KCNK10: variants seen among roughly 807,000 people sequenced by gnomAD.
The protein encoded by KCNK10 is potassium two pore domain channel subfamily K member 10.
Under a neutral mutation model 47.7 loss-of-function variants are expected in KCNK10, and 25 were observed. The ratio of observed to expected loss-of-function variants is 0.52; its 90% CI spans 0.38 to 0.73. KCNK10 has a LOEUF of 0.73. KCNK10 is among the 30% of genes least tolerant of loss of function. The pLI is 0.00. For missense variants in KCNK10, 563 were observed against 714.5 expected (o/e 0.79, Z 2.42); for synonymous variants, 303 against 285.6 (o/e 1.06, Z -0.61).
chr14:88,306,203 G>T (rs1362958454), intron 1 of KCNK10, among the ~76,000 whole-genome samples: 1 of 152,134 alleles, frequency 6.6e-6, no homozygotes, highest in Non-Finnish European at 1.5e-5. Context: ...TGAAATCCAT[G>T]GTAGACGAAA....
chr14:88,206,716 A>G (rs1885287134), intron 4 of KCNK10, among the ~76,000 whole-genome samples: 1 of 152,244 alleles, frequency 6.6e-6, no homozygotes, highest in Non-Finnish European at 1.5e-5. Context: ...CTAGGGTTTC[A>G]TAACAGAGCA....
At chr14:88,284,492 G>A (rs758860054) in intron 1 of KCNK10, among the ~76,000 whole-genome samples, 10 of 152,192 alleles carry the variant, frequency 6.6e-5, no homozygotes, top group Admixed American at 5.2e-4. Flanking sequence ...CTCAAACGTA[G>A]GGAAGCCGAC....
chr14:88,306,648 C>T (rs545303224), intron 1 of KCNK10, among the ~76,000 whole-genome samples: 4 of 151,552 alleles, frequency 2.6e-5, no homozygotes, highest in African/African-American at 7.2e-5. Flanking sequence ...GGAAGGGATA[C>T]ACCATCTCAT....
At chr14:88,208,275 T>C (rs1308810556) in intron 4 of KCNK10, among the ~76,000 whole-genome samples, 2 of 152,056 alleles carry the variant, frequency 1.3e-5, no homozygotes, top group African/African-American at 4.8e-5. Context: ...AAATGTGTGC[T>C]CATCTTCTAG....
chr14:88,244,526 A>G lies in KCNK10; in HGVS notation c.403-3706T>C, dbSNP rs540416489. 3.3e-3 allele frequency among the ~76,000 whole-genome samples: 497 copies of G among 152,100 alleles called. 2 individuals are homozygous for G. Among genetic ancestry groups the G allele is most frequent in the African/African-American group, 0.011 (460 of 41,480 alleles). ...TACTAAAAATACAAAAATATTAGCC[A>G]GGCGTGGTGGCGGGCGCTGTAGTCC... On this transcript the variant is annotated intron_variant, in intron 2 of 6. Coordinates refer to ENST00000319231, the MANE Select transcript of KCNK10 (RefSeq NM_138317.3).
At chr14:88,268,773 C>T (rs923442864) in intron 1 of KCNK10, among the ~76,000 whole-genome samples, 6 of 152,174 alleles carry the variant, frequency 3.9e-5, no homozygotes, top group Non-Finnish European at 5.9e-5. Context: ...CAGAAGAGTA[C>T]TGGGCAGCAA....
chr14:88,203,954 G>A (rs1885182770), intron 4 of KCNK10, among the ~76,000 whole-genome samples: 1 of 152,230 alleles, frequency 6.6e-6, no homozygotes, highest in Non-Finnish European at 1.5e-5. Flanking sequence ...GGAGCACCAG[G>A]CATTGGGGCC....
chr14:88,248,658 A>G (rs1886707808), intron 2 of KCNK10, among the ~76,000 whole-genome samples: 1 of 152,018 alleles, frequency 6.6e-6, no homozygotes, highest in Non-Finnish European at 1.5e-5. Context: ...GAGCCCAGGA[A>G]GCAGAGGCTG....
chr14:88,222,444 A>C (rs1885846357), intron 4 of KCNK10, among the ~76,000 whole-genome samples: 1 of 152,234 alleles, frequency 6.6e-6, no homozygotes. Flanking sequence ...AGAGTGAAAT[A>C]CTATGTATGA....
rs1432186428 is a variant in KCNK10, at chr14:88,185,956, A to G, written c.1211T>C (p.Val404Ala). The part of the protein sequence containing the change: ...LDMLSPEKRS[V>A]FAALDTGRFK... Reference sequence around the variant, plus strand: ...GCGGCCGGTGTCCAGGGCAGCAAAGACAGAGCGCTTCTCGGGGGACAGCAT... The same window carrying G: ...GCGGCCGGTGTCCAGGGCAGCAAAGGCAGAGCGCTTCTCGGGGGACAGCAT... The change falls in exon 7 of 7, where the codon GTC becomes GCC. Residue 404 changes from valine (V) to alanine (A), a missense_variant. Val to Ala is a moderately conservative substitution (Grantham distance 64, BLOSUM62 0). Transcript: ENST00000319231. This position sits in a 1 kb window ranked among gnomAD's most constrained non-coding sequence, Gnocchi z 4.3. The G allele has an allele frequency of 1.2e-6, 2 of 1,613,008 alleles. No homozygotes were observed. Among genetic ancestry groups the G allele is most frequent in the Non-Finnish European group, 1.7e-6 (2 of 1,179,858 alleles).
intron 2 of KCNK10, among the ~76,000 whole-genome samples, chr14:88,243,147 A>G (rs1886528933): frequency 1.3e-5 from 2 of 152,244 alleles, no homozygotes; most frequent in Admixed American, 6.5e-5. Flanking sequence ...ATGTTTACCT[A>G]TGTAACCCTC....
chr14:88,321,303 C>T (rs546124887), intron 1 of KCNK10, among the ~76,000 whole-genome samples: 6 of 152,348 alleles, frequency 3.9e-5, no homozygotes, highest in Non-Finnish European at 8.8e-5. Flanking sequence ...GGGAAGCCTT[C>T]TCTGGTCCTT....
At chr14:88,215,392 C>G (rs1269680503) in intron 4 of KCNK10, among the ~76,000 whole-genome samples, 1 of 152,144 alleles carries the variant, frequency 6.6e-6, no homozygotes, top group Non-Finnish European at 1.5e-5. Flanking sequence ...ATAAAACCAT[C>G]AGGTCTCATG....
chr14:88,282,070 T>C (rs1329533821), intron 1 of KCNK10, among the ~76,000 whole-genome samples: 1 of 152,184 alleles, frequency 6.6e-6, no homozygotes, highest in Non-Finnish European at 1.5e-5. Context: ...CAGTACCTAG[T>C]ATGGTGTCCG....
chr14:88,189,386 G>A (rs1479158778), intron 5 of KCNK10, among the ~76,000 whole-genome samples: 2 of 152,176 alleles, frequency 1.3e-5, no homozygotes, highest in Non-Finnish European at 2.9e-5. Context: ...TACGATCTGA[G>A]TTCCCGCACC....
intron 2 of KCNK10, among the ~76,000 whole-genome samples, chr14:88,241,742 C>T (rs1471651906): frequency 1.3e-5 from 2 of 152,164 alleles, no homozygotes; most frequent in African/African-American, 4.8e-5. Context: ...TAATTCAAGC[C>T]CTGCTTCTTC....
chr14:88,190,353 T>C (rs1258670557), intron 5 of KCNK10, among the ~76,000 whole-genome samples: 1 of 152,188 alleles, frequency 6.6e-6, no homozygotes, highest in Non-Finnish European at 1.5e-5. Context: ...TAGTTCAAAA[T>C]TCCAGCTGCC....
chr14:88,312,317 T>TA (rs36087617), intron 1 of KCNK10, among the ~76,000 whole-genome samples: 31,346 of 152,070 alleles, frequency 0.21, 3,509 homozygotes, highest in East Asian at 0.28. Context: ...AACAAGATTG[T>TA]AAAAAAATGT....
rs187551630 is a variant in KCNK10, at chr14:88,259,417, G to C, written c.402+3785C>G. On this transcript the variant is annotated intron_variant, in intron 2 of 6. Transcript: ENST00000319231. ...AGGACTGATGCTCAATGTGCATAGG[G>C]AGAAGAAACAGAAATGCTTCCTGTT... Among the ~76,000 whole-genome samples the C allele has an allele frequency of 4.6e-3, 700 of 152,280 alleles. 16 individuals are homozygous for C. The highest frequency in any genetic ancestry group is 1.9e-3 in the Non-Finnish European group (131 of 68,014).
Sources: allele counts gnomAD v4.1 joint callset (sites outside exome capture counted in the v4.1 genomes callset), GRCh38; gene constraint gnomAD v4.1.1; non-coding constraint Gnocchi (gnomAD v3.1); transcripts MANE v1.5; gene names NCBI Gene and HGNC (gene_info 2026-07-23, HGNC 2026-07-21).